Variants in SVOPL observed in about 807,000 individuals in gnomAD.
SVOPL encodes putative transporter SVOPL.
A neutral mutation model predicts 61.0 loss-of-function variants in SVOPL; 60 were observed. The ratio of observed to expected loss-of-function variants is 0.98; its 90% CI spans 0.80 to 1.22. The LOEUF is 1.22. Among genes scored for constraint, SVOPL ranks in the 50% most tolerant of loss-of-function variants. SVOPL has a pLI of 0.00. For synonymous variants in SVOPL, 279 were observed against 250.0 expected (o/e 1.12, Z -1.09); for missense variants, 662 against 643.9 (o/e 1.03, Z -0.30).
chr7:138,639,262 A>C (rs915274685), intron 9 of SVOPL, among the ~76,000 whole-genome samples: 1 of 152,146 alleles, frequency 6.6e-6, no homozygotes, highest in African/African-American at 2.4e-5. Context: ...CTCAAAAAAT[A>C]TATAAATAAA....
chr7:138,649,280 TC>T, intron 7 of SVOPL, 143 bp from the exon 8 acceptor site: 1 of 1,180,678 alleles, frequency 8.5e-7, no homozygotes, highest in East Asian at 2.8e-5. Flanking sequence ...AGCCACTTTG[TC>T]CAGCATTTTG....
At chr7:138,640,455 T>G (rs1800728853) in intron 9 of SVOPL, among the ~76,000 whole-genome samples, 1 of 151,880 alleles carries the variant, frequency 6.6e-6, no homozygotes, top group Non-Finnish European at 1.5e-5. Context: ...GGTCTGAAAC[T>G]CCCAACCTCA....
chr7:138,665,287 C>G (rs1802218988), intron 4 of SVOPL, among the ~76,000 whole-genome samples: 1 of 150,710 alleles, frequency 6.6e-6, no homozygotes, highest in African/African-American at 2.4e-5. Flanking sequence ...CAATTAACAA[C>G]CGCTTAGAAA....
rs1563096955 is a variant in SVOPL at position 138,622,310 on chromosome 7, CT to C, written c.1264-1176del. On this transcript the variant is annotated intron_variant, in intron 13 of 15. Transcript: ENST00000674285. ...TCTATCTATCTATCTATCTATCTAT[CT>C]ATCGACAGAGTCTCACTCTTTCGCC... Among the ~76,000 whole-genome samples the C allele has an allele frequency of 8.0e-4, 111 of 138,272 alleles. 1 individual carries two copies. The highest frequency in any genetic ancestry group is 2.7e-3 in the African/African-American group (103 of 37,534). The allele number at this position is 138,272 out of a possible 152,430, so 90.7% of individuals were successfully genotyped here. A position where few individuals can be genotyped will look rare whatever the true frequency, so the allele number is the denominator to read the frequency against.
chr7:138,597,962 T>C (rs1419341944), intron 14 of SVOPL, among the ~76,000 whole-genome samples: 2 of 151,912 alleles, frequency 1.3e-5, no homozygotes, highest in Non-Finnish European at 2.9e-5. Context: ...TCAGGGAGAG[T>C]AACTGCCTAG....
chr7:138,655,180 A>T (rs1207866661), intron 7 of SVOPL, among the ~76,000 whole-genome samples: 1 of 149,962 alleles, frequency 6.7e-6, no homozygotes, highest in Non-Finnish European at 1.5e-5. Context: ...ACAGAGCAAG[A>T]CCCTGTCTCA....
Position 138,623,367 on chromosome 7 carries a change from G to A in SVOPL, c.1264-2232C>T, listed in dbSNP as rs190491678. Among the ~76,000 whole-genome samples, 647 of 152,240 alleles carry A rather than the reference G, an allele frequency of 4.2e-3. 5 individuals are homozygous for A. Among genetic ancestry groups the A allele is most frequent in the African/African-American group, 8.2e-3 (342 of 41,560 alleles). On this transcript the variant is annotated intron_variant, in intron 13 of 15. Coordinates refer to ENST00000674285, the MANE Select transcript of SVOPL (RefSeq NM_001139456.2). The stretch of plus-strand genomic sequence containing the variant: ...TGTAATCCGAGCACTTTGGGAGGCC[G>A]AGGCGGGCGGATCATGAGGTCAGAA...
rs1181591461 is a variant in SVOPL, at chr7:138,622,182, G to C, written c.1264-1047C>G. Among the ~76,000 whole-genome samples the C allele has an allele frequency of 1.3e-3, 61 of 47,308 alleles. 1 individual carries two copies. Among genetic ancestry groups the C allele is most frequent in the African/African-American group, 3.9e-3 (38 of 9,818 alleles). 31.0% of individuals were successfully genotyped at this position (47,308 alleles called of 152,430 possible). On this transcript the variant is annotated intron_variant, in intron 13 of 15. Coordinates refer to ENST00000674285, the MANE Select transcript of SVOPL (RefSeq NM_001139456.2). ...TCTGTCTATGTATCTATCTGTCTATGTATCTATCTATCTATCTATGTATCT... is the reference window on the plus strand; with the variant it reads ...TCTGTCTATGTATCTATCTGTCTATCTATCTATCTATCTATCTATGTATCT...
At chr7:138,598,777 G>C (rs1798384583) in intron 14 of SVOPL, among the ~76,000 whole-genome samples, 1 of 151,788 alleles carries the variant, frequency 6.6e-6, no homozygotes, top group African/African-American at 2.4e-5. Context: ...CAACTAATAG[G>C]AACAAAAATA....
At chr7:138,610,599 A>C (rs983094563) in intron 14 of SVOPL, among the ~76,000 whole-genome samples, 2 of 152,204 alleles carry the variant, frequency 1.3e-5, no homozygotes, top group African/African-American at 4.8e-5. Context: ...AGCACACACA[A>C]ACATATTTAT....
chr7:138,664,184 T>TGGCC, intron 4 of SVOPL: 8 of 570,036 alleles, frequency 1.4e-5, no homozygotes, highest in South Asian at 1.6e-4. Flanking sequence ...CACCCTACCC[T>TGGCC]GCCCTCCCCC....
At chr7:138,612,516 T>A (rs1360187578) in intron 14 of SVOPL, among the ~76,000 whole-genome samples, 2 of 148,804 alleles carry the variant, frequency 1.3e-5, no homozygotes, top group Admixed American at 6.6e-5. Flanking sequence ...TAATTTTTTT[T>A]TTTTTTTTTT....
Position 138,659,953 on chromosome 7 carries a change from G to A in SVOPL, c.381C>T (p.Phe127=), listed in dbSNP as rs1801929940. The A allele has an allele frequency of 6.4e-7, 1 of 1,551,576 alleles. No individual in the cohort carries two copies. The highest frequency in any genetic ancestry group is 1.7e-4 in the Middle Eastern group (1 of 5,990). ...LLISFLWGAY[F]SLLTSFAPSY... ...AAGGAGCAAACGAGGTCAGCAAGGA[G>A]AAATAGGCTCCCCACAGGAACGAGA... The change falls in exon 6 of 16, where the codon TTC becomes TTT. Residue 127 remains phenylalanine, a synonymous_variant. Coordinates refer to ENST00000674285, the MANE Select transcript of SVOPL (RefSeq NM_001139456.2).
chr7:138,602,732 C>A (rs1357445718), intron 14 of SVOPL, among the ~76,000 whole-genome samples: 1 of 151,968 alleles, frequency 6.6e-6, no homozygotes, highest in Non-Finnish European at 1.5e-5. Context: ...CCATTTCCAC[C>A]CCTAACCACA....
At chr7:138,634,102 G>A (rs1184694590) in intron 9 of SVOPL, among the ~76,000 whole-genome samples, 1 of 152,198 alleles carries the variant, frequency 6.6e-6, no homozygotes, top group African/African-American at 2.4e-5. Context: ...GCTTTTCTCT[G>A]TACCTCCTGG....
chr7:138,604,677 CAAAAAAAA>C (rs5887890), intron 14 of SVOPL, among the ~76,000 whole-genome samples: 1 of 58,788 alleles, frequency 1.7e-5, no homozygotes, highest in South Asian at 7.1e-4. Flanking sequence ...AACTTTATCT[CAAAAAAAA>C]AAAAAAAAAA....
rs1380464812 is a variant in SVOPL, at chr7:138,608,124, A to T, written c.1354-11594T>A. ...CAAGGGCCATAGGAGGAAAGATTGG[A>T]CAAAGAAAGAGACAAACCTTGTTCT... is the stretch of plus-strand genomic sequence containing the variant. On this transcript the variant is annotated intron_variant, in intron 14 of 15. Transcript: ENST00000674285. Among the ~76,000 whole-genome samples, 3 of 152,238 alleles carry T rather than the reference A, an allele frequency of 2.0e-5. No individual in the cohort carries two copies. The South Asian group carries it at 6.2e-4, about 32-fold the overall frequency.
At chr7:138,665,457 C>T (rs2117097437) in intron 4 of SVOPL, among the ~76,000 whole-genome samples, 2 of 151,850 alleles carry the variant, frequency 1.3e-5, no homozygotes, top group Non-Finnish European at 2.9e-5. Flanking sequence ...AAACAGTCAC[C>T]TTGGGAGAGT....
intron 13 of SVOPL, among the ~76,000 whole-genome samples, chr7:138,621,884 ATCTATCTATCTATC>A (rs1799598064): frequency 6.8e-6 from 1 of 146,056 alleles, no homozygotes; most frequent in Admixed American, 6.8e-5. Flanking sequence ...CTATCTATCT[ATCTATCTATCTATC>A]TATCTATGTA....
Sources: allele counts gnomAD v4.1 joint callset (sites outside exome capture counted in the v4.1 genomes callset), GRCh38; gene constraint gnomAD v4.1.1; transcripts MANE v1.5; gene names NCBI Gene and HGNC (gene_info 2026-07-23, HGNC 2026-07-21).